The following PAX3 variants were observed in gnomAD, a reference collection of about 807,000 sequenced individuals.
PAX3 encodes paired box protein Pax-3.
Under a neutral mutation model 51.6 loss-of-function variants are expected in PAX3, and 14 were observed. That is an observed-to-expected ratio of 0.27 (90% CI 0.18 to 0.42). The LOEUF is 0.42. Among genes scored for constraint, PAX3 ranks in the 10% least tolerant of loss-of-function variants. The pLI is 1.00. For missense variants in PAX3, 540 were observed against 642.8 expected (o/e 0.84, Z 1.73); for synonymous variants, 280 against 253.4 (o/e 1.11, Z -1.00).
At chr2:222,251,304 T>C (rs1419849391) in intron 4 of PAX3, among the ~76,000 whole-genome samples, 1 of 152,048 alleles carries the variant, frequency 6.6e-6, no homozygotes, top group Non-Finnish European at 1.5e-5. Flanking sequence ...CCTTCCTGTG[T>C]CCATGTGTTC....
At position 222,201,263 on chromosome 2, in the gene PAX3, C is replaced by T. The variant is rs1259121810; in HGVS notation, c.*145G>A. 6.2e-7 allele frequency: 1 copy of T among 1,613,914 alleles called. No homozygotes were observed. Among genetic ancestry groups the T allele is most frequent in the Non-Finnish European group, 8.5e-7 (1 of 1,179,978 alleles). On this transcript the variant is annotated 3_prime_UTR_variant, in exon 9 of 9. Coordinates refer to ENST00000392070, the MANE Select transcript of PAX3 (RefSeq NM_181458.4). ...CAACTATTGGAGGAAGAAAATCAAT[C>T]ACTCTCCTTTGTCTCCTATTGGGAC...
chr2:222,202,092 C>T lies in PAX3; in HGVS notation c.1272G>A (p.Thr424=), dbSNP rs746069520. The T allele has an allele frequency of 3.1e-6, 5 of 1,613,898 alleles. No homozygotes were observed. Among genetic ancestry groups the T allele is most frequent in the South Asian group, 2.2e-5 (2 of 91,068 alleles). ...GTCTCTGACTGCAGCTGGCCGACAC[C>T]GTGGTGGTAGGTTCCAGACCCCCGG... ...PLTGGLEPTT[T]VSASCSQRLD... Residue 424 remains threonine, a synonymous_variant, in exon 8 of 9, where the codon ACG becomes ACA. Transcript: ENST00000392070.
chr2:222,253,898 T>G (rs1693536007), intron 4 of PAX3, among the ~76,000 whole-genome samples: 1 of 152,128 alleles, frequency 6.6e-6, no homozygotes, highest in Non-Finnish European at 1.5e-5. Context: ...CAAGCAATCC[T>G]CCTGCCTTGG....
In PAX3 at chr2:222,293,794, C is replaced by G. The variant is rs1404257581; in HGVS notation, c.586+373G>C. ...AAAGCTACTTCAACTTCTGAAGATT[C>G]AAGTACCCTCTATCCCCGGCCCTAC... On this transcript the variant is annotated intron_variant, in intron 4 of 8. Transcript: ENST00000392070. 9 of 1,614,118 alleles carry G rather than the reference C, an allele frequency of 5.6e-6. No homozygotes were observed. The East Asian group carries it at 2.0e-4, about 36-fold the overall frequency.
At chr2:222,219,823 G>A (rs569082623) in intron 7 of PAX3, among the ~76,000 whole-genome samples, 11 of 152,248 alleles carry the variant, frequency 7.2e-5, no homozygotes, top group Admixed American at 3.3e-4. Context: ...ACCTGCCACT[G>A]TTTGCAAGCT....
At chr2:222,220,682 A>G (rs1266347258) in intron 6 of PAX3, among the ~76,000 whole-genome samples, 2 of 152,248 alleles carry the variant, frequency 1.3e-5, no homozygotes, top group African/African-American at 4.8e-5. Flanking sequence ...CAATATAAGG[A>G]CTGCAAGTCT....
In PAX3 at chr2:222,294,729, G is replaced by A. The variant is rs45484294; in HGVS notation, c.452-428C>T. ...CATGGATCCTGCGGTTCGCCTTAAG[G>A]GAGGAAGAACCAAAGCCGACTTGTC... On this transcript the variant is annotated intron_variant, in intron 3 of 8. Coordinates refer to ENST00000392070, the MANE Select transcript of PAX3 (RefSeq NM_181458.4). Among the ~76,000 whole-genome samples the A allele has an allele frequency of 3.2e-4, 48 of 149,530 alleles. No homozygotes were observed. In the East Asian group the frequency reaches 9.4e-3, roughly 29 times the overall value.
chr2:222,298,692 C>T lies in PAX3; in HGVS notation c.-77G>A. The T allele has an allele frequency of 2.2e-6, 3 of 1,385,400 alleles. No individual in the cohort carries two copies. Among genetic ancestry groups the T allele is most frequent in the Admixed American group, 2.0e-5 (1 of 50,896 alleles). The allele number at this position is 1,385,400 out of a possible 1,614,324, so 85.8% of individuals were successfully genotyped here. On this transcript the variant is annotated 5_prime_UTR_variant, in exon 1 of 9. Transcript: ENST00000392070. The stretch of plus-strand genomic sequence containing the variant: ...AGGCGAGTGCGGCGCGGATGACCCT[C>T]GGGAACTATCCGGAGCGTGGAGAGC...
In PAX3 at chr2:222,298,630, C is replaced by T. The variant is rs1188289230; in HGVS notation, c.-15G>A. ...AGCGTGGTCATCCTGGGGGCAGCTTCGCTCGGAAATTATATCCAGGTGAAG... is the reference window on the plus strand; with the variant it reads ...AGCGTGGTCATCCTGGGGGCAGCTTTGCTCGGAAATTATATCCAGGTGAAG... On this transcript the variant is annotated 5_prime_UTR_variant, in exon 1 of 9. Coordinates refer to ENST00000392070, the MANE Select transcript of PAX3 (RefSeq NM_181458.4). 1.3e-6 allele frequency: 2 copies of T among 1,596,874 alleles called. No individual in the cohort carries two copies. Among genetic ancestry groups the T allele is most frequent in the Non-Finnish European group, 8.5e-7 (1 of 1,171,988 alleles).
intron 4 of PAX3, among the ~76,000 whole-genome samples, chr2:222,253,659 T>C (rs1165737223): frequency 6.6e-6 from 1 of 152,160 alleles, no homozygotes; most frequent in African/African-American, 2.4e-5. Flanking sequence ...TCTTTTTCTT[T>C]TCTTTTAGAG....
intron 4 of PAX3, among the ~76,000 whole-genome samples, chr2:222,244,950 C>A (rs1693166271): frequency 6.6e-6 from 1 of 151,898 alleles, no homozygotes; most frequent in African/African-American, 2.4e-5. Flanking sequence ...AGGTATGAAA[C>A]CAGCCTGGCC....
At chr2:222,257,846 C>T (rs7589708) in intron 4 of PAX3, among the ~76,000 whole-genome samples, 17,533 of 152,256 alleles carry the variant, frequency 0.12, 1,274 homozygotes, top group East Asian at 0.33. Flanking sequence ...GGGTCACCCC[C>T]ACGCTGCTGA....
intron 7 of PAX3, among the ~76,000 whole-genome samples, chr2:222,214,171 A>G (rs1416995549): frequency 6.6e-6 from 1 of 152,192 alleles, no homozygotes; most frequent in African/African-American, 2.4e-5. Context: ...ATGACAAGTG[A>G]AATCAAAAGC....
chr2:222,269,660 A>C (rs1258365177), intron 4 of PAX3, among the ~76,000 whole-genome samples: 1 of 152,046 alleles, frequency 6.6e-6, no homozygotes, highest in Non-Finnish European at 1.5e-5. Flanking sequence ...TTTCCATAAA[A>C]AAAAAAAAAA....
intron 4 of PAX3, among the ~76,000 whole-genome samples, chr2:222,246,773 T>C (rs1693244977): frequency 6.6e-6 from 1 of 152,252 alleles, no homozygotes. Context: ...AGTTTTCAAG[T>C]GAATTTATCC....
intron 7 of PAX3, chr2:222,214,483 C>T (rs1363765167): frequency 6.6e-6 from 1 of 152,082 alleles, no homozygotes; most frequent in Non-Finnish European, 1.5e-5. Flanking sequence ...TGAATAAGAA[C>T]AAAAAGTCGA....
At position 222,294,326 on chromosome 2, in the gene PAX3, C is replaced by A. The variant is rs745334795; in HGVS notation, c.452-25G>T. ...ACTGGGGGCGGGAGGAGGAAGGAAG[C>A]AAGGGAGCGCACATGGTTGAGACAA... On this transcript the variant is annotated intron_variant, in intron 3 of 8. Coordinates refer to ENST00000392070, the MANE Select transcript of PAX3 (RefSeq NM_181458.4). The A allele has an allele frequency of 3.7e-6, 6 of 1,613,646 alleles. No individual in the cohort carries two copies. In the East Asian group the frequency reaches 1.1e-4, roughly 30 times the overall value.
chr2:222,245,752 C>A (rs902656170), intron 4 of PAX3, among the ~76,000 whole-genome samples: 15 of 150,424 alleles, frequency 1.0e-4, no homozygotes, highest in Non-Finnish European at 1.3e-4. Context: ...AGTGGATCAC[C>A]TGAGGTCAGG....
intron 7 of PAX3, among the ~76,000 whole-genome samples, chr2:222,207,566 TGCA>T (rs1434413623): frequency 2.6e-5 from 4 of 152,230 alleles, no homozygotes; most frequent in Non-Finnish European, 5.9e-5. Flanking sequence ...GTGCTTCATA[TGCA>T]GCATACATTT....
Sources: allele counts gnomAD v4.1 joint callset (sites outside exome capture counted in the v4.1 genomes callset), GRCh38; gene constraint gnomAD v4.1.1; transcripts MANE v1.5; gene names NCBI Gene and HGNC (gene_info 2026-07-23, HGNC 2026-07-21).